The following TRRAP variants were observed in gnomAD, a reference collection of about 807,000 sequenced individuals.
TRRAP encodes transformation/transcription domain-associated protein.
In TRRAP, 41 loss-of-function variants were observed where a neutral mutation model predicts 438.8. That is an observed-to-expected ratio of 0.09 (90% CI 0.07 to 0.12). The LOEUF (loss-of-function observed/expected upper bound fraction) is 0.12, where lower values mean the gene tolerates loss of function less well. Ranked by LOEUF, TRRAP falls within the 10% of genes least tolerant of loss-of-function variation. The pLI is 1.00. For missense variants in TRRAP, 3,122 were observed against 5,055.1 expected (o/e 0.62, Z 11.60); for synonymous variants, 1,994 against 1,962.9 (o/e 1.02, Z -0.42).
At chr7:98,973,354 C>T (rs1428445453) in intron 53 of TRRAP, among the ~76,000 whole-genome samples, 1 of 152,182 alleles carries the variant, frequency 6.6e-6, no homozygotes, top group Non-Finnish European at 1.5e-5. Context: ...GGCTGATGGT[C>T]ACCATGACAC....
intron 7 of TRRAP, 149 bp downstream of exon 7, chr7:98,895,969 G>T: frequency 1.9e-6 from 1 of 515,204 alleles, no homozygotes; most frequent in Non-Finnish European, 3.1e-6. Flanking sequence ...TAAAAACTGG[G>T]TTGATAAGTC....
chr7:98,952,854 G>C (rs1293205973), intron 39 of TRRAP, among the ~76,000 whole-genome samples: 10 of 152,150 alleles, frequency 6.6e-5, no homozygotes, highest in African/African-American at 2.4e-5. Context: ...CCTTTCATCT[G>C]TAGCTCTCCT....
At chr7:98,932,704 A>G (rs1554413222) in intron 26 of TRRAP, among the ~76,000 whole-genome samples, 4 of 152,166 alleles carry the variant, frequency 2.6e-5, no homozygotes, top group Non-Finnish European at 4.4e-5. Context: ...AATTAGTTCT[A>G]GATTACTTAT....
chr7:99,008,575 C>T lies in TRRAP; in HGVS notation c.10938+14C>T, dbSNP rs376605531. 2.2e-5 allele frequency: 36 copies of T among 1,611,708 alleles called. No homozygotes were observed. The Middle Eastern group carries it at 4.9e-4, about 22-fold the overall frequency. ...GCCAGCCACCAGGTAGCAGTGGGGCCGGGCCGGGGGCCGAGCTGCCGCCTG... is the reference window on the plus strand; with the variant it reads ...GCCAGCCACCAGGTAGCAGTGGGGCTGGGCCGGGGGCCGAGCTGCCGCCTG... On this transcript the variant is annotated intron_variant, in intron 70 of 72. Coordinates refer to ENST00000456197, the MANE Select transcript of TRRAP (RefSeq NM_001375524.1).
At chr7:98,975,851 C>G (rs1008758013) in intron 53 of TRRAP, 2 of 284,768 alleles carry the variant, frequency 7.0e-6, no homozygotes, top group Non-Finnish European at 1.3e-5. Flanking sequence ...TTTTGTCCTT[C>G]TTGGATATGG....
Position 98,956,839 on chromosome 7 carries a change from A to C in TRRAP, c.6231+306A>C, listed in dbSNP as rs1340816081. ...AGGAGTTGATTAAGAACATGTGCCCATACTGAGATCAGTTTCTGAGAAGGA... is the reference window on the plus strand; with the variant it reads ...AGGAGTTGATTAAGAACATGTGCCCCTACTGAGATCAGTTTCTGAGAAGGA... On this transcript the variant is annotated intron_variant, in intron 43 of 72. Coordinates refer to ENST00000456197, the MANE Select transcript of TRRAP (RefSeq NM_001375524.1). This position sits in a 1 kb window ranked among gnomAD's most constrained non-coding sequence, Gnocchi z 4.5. Among the ~76,000 whole-genome samples, 2 of 152,212 alleles carry C rather than the reference A, an allele frequency of 1.3e-5. No individual in the cohort carries two copies. Among genetic ancestry groups the C allele is most frequent in the Non-Finnish European group, 2.9e-5 (2 of 68,038 alleles).
Position 98,915,718 on chromosome 7 carries a change from C to A in TRRAP, c.2200-5C>A. ...CCACTAATCTGCGTCTTCTCCACCC[C>A]GCAGCCTCACTTGCACAAGATTGTG... On this transcript the variant is annotated splice_polypyrimidine_tract_variant and splice_region_variant and intron_variant, in intron 18 of 72. Transcript: ENST00000456197. 1 of 1,612,946 alleles carries A rather than the reference C, an allele frequency of 6.2e-7. No individual in the cohort carries two copies. Among genetic ancestry groups the A allele is most frequent in the Non-Finnish European group, 8.5e-7 (1 of 1,179,270 alleles).
chr7:98,959,344 G>A lies in TRRAP; in HGVS notation c.6343G>A (p.Val2115Ile), dbSNP rs1791776570. 1 of 1,613,396 alleles carries A rather than the reference G, an allele frequency of 6.2e-7. No individual in the cohort carries two copies. The highest frequency in any genetic ancestry group is 1.7e-5 in the Admixed American group (1 of 59,832). The part of the protein sequence containing the change: ...VNFLIRVACQ[V>I]NDNTNTAGSP... Reference sequence around the variant, plus strand: ...GGCTGTAACTCGGATGAATTCCTAGGTTAATGACAACACCAACACAGCGGG... The same window carrying A: ...GGCTGTAACTCGGATGAATTCCTAGATTAATGACAACACCAACACAGCGGG... Residue 2115 changes from valine (V) to isoleucine (I), a missense_variant and splice_region_variant, in exon 45 of 73, where the codon GTT becomes ATT. By Grantham distance (29) the Val-to-Ile change is conservative. This residue lies in a region of TRRAP where 992 missense variants were observed against 1,281.2 expected (regional missense o/e 0.77). Transcript: ENST00000456197.
intron 62 of TRRAP, among the ~76,000 whole-genome samples, chr7:98,986,326 G>T (rs1793150665): frequency 6.6e-6 from 1 of 152,148 alleles, no homozygotes; most frequent in Non-Finnish European, 1.5e-5. Flanking sequence ...GGGTCATATT[G>T]TACTTCTCTG....
At chr7:98,978,659 T>G in intron 57 of TRRAP, 110 bp from the exon 58 acceptor site, 3 of 1,442,978 alleles carry the variant, frequency 2.1e-6, no homozygotes, top group Non-Finnish European at 2.9e-6. Flanking sequence ...TCTTACTGTG[T>G]TGTTCTTCTG....
chr7:98,929,860 C>G, intron 23 of TRRAP, 129 bp from the exon 24 acceptor site: 2 of 931,278 alleles, frequency 2.1e-6, no homozygotes, highest in Non-Finnish European at 3.3e-6. Context: ...TCCCAGAGTG[C>G]TGGGATTACG....
At chr7:98,937,304 G>A (rs373060016) in intron 29 of TRRAP, 27 bp downstream of exon 29, 140 of 1,600,172 alleles carry the variant, frequency 8.7e-5, no homozygotes, top group African/African-American at 1.6e-4. Flanking sequence ...GCGTGTATGC[G>A]CACGCGTGTG....
In TRRAP at chr7:98,955,127, A is replaced by G. The variant is rs34111364; in HGVS notation, c.5760A>G (p.Ala1920=). 5,761 of 1,614,146 alleles carry G rather than the reference A, an allele frequency of 3.6e-3. 90 individuals carry two copies. The highest frequency in any genetic ancestry group is 0.034 in the South Asian group (3,085 of 91,082). Residue 1920 remains alanine, a synonymous_variant, in exon 41 of 73, where the codon GCA becomes GCG. Transcript: ENST00000456197. The stretch of plus-strand genomic sequence containing the variant: ...TTCATAGTCTCCTCAAGGCTCACGC[A>G]ATGGAAGCTCGAGCGATCGTCAGAC... ...QVFHSLLKAH[A]MEARAIVRQA...
chr7:98,997,103 C>G (rs779634885), intron 67 of TRRAP, among the ~76,000 whole-genome samples: 21 of 151,748 alleles, frequency 1.4e-4, no homozygotes, highest in Non-Finnish European at 2.6e-4. Flanking sequence ...GTCAGGAGTT[C>G]GAGACCAGCC....
At chr7:98,989,950 G>A (rs1053386232) in intron 63 of TRRAP, among the ~76,000 whole-genome samples, 6 of 152,176 alleles carry the variant, frequency 3.9e-5, no homozygotes, top group Admixed American at 6.5e-5. Context: ...TCAAAAGGCC[G>A]GGAGTGGTGG....
At chr7:98,913,043 C>T (rs1386905435) in intron 18 of TRRAP, among the ~76,000 whole-genome samples, 3 of 152,086 alleles carry the variant, frequency 2.0e-5, no homozygotes, top group Non-Finnish European at 4.4e-5. Flanking sequence ...AACAGGGCTC[C>T]CTTGTTCTTA....
At chr7:98,964,364 G>A (rs898262393) in intron 47 of TRRAP, among the ~76,000 whole-genome samples, 6 of 152,084 alleles carry the variant, frequency 3.9e-5, no homozygotes, top group Non-Finnish European at 8.8e-5. Context: ...AAAATAAAAT[G>A]CAGAACTGAA....
intron 16 of TRRAP, 150 bp downstream of exon 16, chr7:98,910,757 C>T (rs982701161): frequency 1.7e-5 from 12 of 700,428 alleles, no homozygotes; most frequent in Middle Eastern, 5.6e-4. Context: ...CACAACATAG[C>T]ACTGCGTTTA....
At position 98,908,660 on chromosome 7, in the gene TRRAP, C is replaced by T; in HGVS notation, c.1116-68C>T. ...GTGTTCCTGGGGCAGATGGTGATAT[C>T]CTTGGTGGCCTGCTGCAGCAGGCAT... On this transcript the variant is annotated intron_variant, in intron 13 of 72. Coordinates refer to ENST00000456197, the MANE Select transcript of TRRAP (RefSeq NM_001375524.1). The surrounding 1 kb of genome is among the most constrained non-coding windows in gnomAD (Gnocchi z 4.1). The T allele has an allele frequency of 2.8e-6, 4 of 1,434,082 alleles. No individual in the cohort carries two copies. Among genetic ancestry groups the T allele is most frequent in the East Asian group, 2.5e-5 (1 of 40,220 alleles). 88.8% of individuals were successfully genotyped at this position (1,434,082 alleles called of 1,614,324 possible).
Sources: allele counts gnomAD v4.1 joint callset (sites outside exome capture counted in the v4.1 genomes callset), GRCh38; gene constraint gnomAD v4.1.1; regional missense constraint gnomAD v4.1.1; non-coding constraint Gnocchi (gnomAD v3.1); transcripts MANE v1.5; gene names NCBI Gene and HGNC (gene_info 2026-07-23, HGNC 2026-07-21).